The following SCAF11 variants were observed in gnomAD, a reference collection of about 807,000 sequenced individuals.
SCAF11 encodes SR-related CTD associated factor 11.
Under a neutral mutation model 140.5 loss-of-function variants are expected in SCAF11, and 47 were observed. That is an observed-to-expected ratio of 0.33 (90% CI 0.26 to 0.43). SCAF11 has a LOEUF of 0.43. SCAF11 is among the 20% of genes least tolerant of loss of function. SCAF11 has a pLI of 1.00. For missense variants in SCAF11, 1,645 were observed against 1,705.1 expected, an observed-to-expected ratio of 0.96 and a Z score of 0.62; for synonymous variants, 557 against 579.4, an observed-to-expected ratio of 0.96 and a Z score of 0.55.
chr12:45,991,861 C>T, upstream of SCAF11: 2 of 1,281,596 alleles, frequency 1.6e-6, no homozygotes, highest in Non-Finnish European at 2.0e-6. Flanking sequence ...CAGGACTAAG[C>T]TCTGCTCCCC....
At chr12:45,931,303 T>C (rs1945040027) in intron 10 of SCAF11, 4 of 320,166 alleles carry the variant, frequency 1.2e-5, no homozygotes, top group African/African-American at 4.3e-5. Context: ...GGAGAGACTA[T>C]GTATCTATCT....
At chr12:45,945,779 C>T (rs774109483) in intron 5 of SCAF11, among the ~76,000 whole-genome samples, 5 of 151,996 alleles carry the variant, frequency 3.3e-5, no homozygotes, top group Admixed American at 6.6e-5. Flanking sequence ...GTGATCCTCC[C>T]GCCTTGGCCT....
chr12:45,988,025 T>C (rs1162305743), intron 1 of SCAF11, among the ~76,000 whole-genome samples: 1 of 152,218 alleles, frequency 6.6e-6, no homozygotes, highest in Admixed American at 6.5e-5. Flanking sequence ...AGAATGATAC[T>C]GGATATTTTA....
In SCAF11 at chr12:45,927,653, T is replaced by G; in HGVS notation, c.2048A>C (p.Glu683Ala). 1 of 1,612,134 alleles carries G rather than the reference T, an allele frequency of 6.2e-7. No individual in the cohort carries two copies. Among genetic ancestry groups the G allele is most frequent in the Non-Finnish European group, 8.5e-7 (1 of 1,179,986 alleles). ...ATGTTCGGTCAGCGATTCATTCTTT[T>G]CTTCTAAAGATTTTTCCAATTTGGT... The part of the protein sequence containing the change: ...LNTKLEKSLE[E>A]KNESLTEHPR... Residue 683 changes from glutamate to alanine, a missense_variant, in exon 11 of 15, where the codon GAA (glutamate) becomes GCA (alanine). Glu to Ala is a moderately radical substitution (Grantham distance 107, BLOSUM62 -1). Transcript: ENST00000369367.
intron 1 of SCAF11, among the ~76,000 whole-genome samples, chr12:45,982,939 C>T (rs924569079): frequency 2.0e-5 from 3 of 152,010 alleles, no homozygotes; most frequent in Non-Finnish European, 4.4e-5. Flanking sequence ...ACATAGGATA[C>T]AGAAGATGAA....
At chr12:45,961,971 T>C in intron 2 of SCAF11, 114 bp from the exon 3 acceptor site, 3 of 620,156 alleles carry the variant, frequency 4.8e-6, no homozygotes, top group Non-Finnish European at 7.5e-6. Flanking sequence ...ATAAAGCAAA[T>C]AGATCTTAGA....
In SCAF11 at chr12:45,919,832, A is replaced by T. The variant is rs1468944861; in HGVS notation, c.*2216T>A. On this transcript the variant is annotated 3_prime_UTR_variant, in exon 15 of 15. Coordinates refer to ENST00000369367, the MANE Select transcript of SCAF11 (RefSeq NM_004719.3). ...CTTGACCACATCACTTTTTCTCCAA[A>T]ACTTTAGAACTTGTTTGCAAAAGCT... 6.6e-6 allele frequency: 1 copy of T among 152,222 alleles called. No individual in the cohort carries two copies. The highest frequency in any genetic ancestry group is 1.9e-4 in the East Asian group (1 of 5,196). 9.4% of individuals were successfully genotyped at this position (152,222 alleles called of 1,614,324 possible). A position where few individuals can be genotyped will look rare whatever the true frequency, so the allele number is the denominator to read the frequency against.
intron 1 of SCAF11, among the ~76,000 whole-genome samples, chr12:45,984,222 T>C (rs1401089046): frequency 6.6e-6 from 1 of 152,256 alleles, no homozygotes; most frequent in Admixed American, 6.5e-5. Flanking sequence ...TTGACTTTCA[T>C]GACCTTGTTT....
intron 7 of SCAF11, 62 bp downstream of exon 7, chr12:45,934,385 T>A: frequency 7.2e-7 from 1 of 1,387,628 alleles, no homozygotes; most frequent in Non-Finnish European, 1.0e-6. Flanking sequence ...TGGTTATTTA[T>A]GGACTAAATA....
chr12:45,961,528 T>C (rs1565682259), intron 3 of SCAF11, 172 bp downstream of exon 3: 1 of 611,886 alleles, frequency 1.6e-6, no homozygotes. Context: ...CAAAGCCTGA[T>C]AAAAGAAAAT....
In SCAF11 at chr12:45,928,461, C is replaced by A; in HGVS notation, c.1240G>T (p.Asp414Tyr). ...DSVDEETAES[D>Y]TSPVLEKEHQ... ...TCTTTTTCTAACACAGGTGATGTGTCAGATTCTGCTGTTTCTTCATCTACT... is the reference window on the plus strand; with the variant it reads ...TCTTTTTCTAACACAGGTGATGTGTAAGATTCTGCTGTTTCTTCATCTACT... Residue 414 changes from aspartate (D) to tyrosine (Y), a missense_variant, in exon 11 of 15, where the codon GAC (aspartate) becomes TAC (tyrosine). This residue lies in a region of SCAF11 where 1,582 missense variants were observed against 1,609.2 expected (regional missense o/e 0.98). Coordinates refer to ENST00000369367, the MANE Select transcript of SCAF11 (RefSeq NM_004719.3). The A allele has an allele frequency of 6.2e-7, 1 of 1,612,904 alleles. No homozygotes were observed. Among genetic ancestry groups the A allele is most frequent in the Non-Finnish European group, 8.5e-7 (1 of 1,179,202 alleles).
chr12:45,945,068 G>C (rs1266708738), intron 6 of SCAF11, 181 bp downstream of exon 6: 3 of 558,550 alleles, frequency 5.4e-6, no homozygotes, highest in African/African-American at 2.0e-5. Flanking sequence ...AAGGAAAAAA[G>C]GGGCAGAAAA....
At chr12:45,991,861 C>A, upstream of SCAF11, 1 of 1,281,596 alleles carries the variant, frequency 7.8e-7, no homozygotes. Flanking sequence ...CAGGACTAAG[C>A]TCTGCTCCCC....
In SCAF11 at chr12:45,926,333, T is replaced by C. The variant is rs1944857603; in HGVS notation, c.3368A>G (p.Tyr1123Cys). ...GAACTCCTGTTCACTTTTTCGCTTA[T>C]AGGATTGCTGTTCCACAAACTTGAA... ...ESFKFVEQQS[Y>C]KRKSEQEFSF... Residue 1123 changes from tyrosine (Y) to cysteine (C), a missense_variant, in exon 11 of 15, where the codon TAT (tyrosine) becomes TGT (cysteine). Around this residue, in one of 2 missense-constraint regions of SCAF11, gnomAD observed 1,582 missense variants for 1,609.2 expected, o/e 0.98. Coordinates refer to ENST00000369367, the MANE Select transcript of SCAF11 (RefSeq NM_004719.3). 3.1e-6 allele frequency: 5 copies of C among 1,614,206 alleles called. No homozygotes were observed. Among genetic ancestry groups the C allele is most frequent in the Admixed American group, 1.7e-5 (1 of 60,022 alleles).
chr12:45,984,695 C>CTTTT (rs539795330), intron 1 of SCAF11, among the ~76,000 whole-genome samples: 2 of 136,600 alleles, frequency 1.5e-5, no homozygotes, highest in African/African-American at 2.8e-5. Context: ...TTCGCACTTC[C>CTTTT]TTTTTTTTTT....
At chr12:45,941,188 G>A (rs1057089785) in intron 6 of SCAF11, among the ~76,000 whole-genome samples, 56 of 152,210 alleles carry the variant, frequency 3.7e-4, no homozygotes, top group African/African-American at 1.2e-3. Context: ...GATCTTATTT[G>A]TACATGAAAT....
In SCAF11 at chr12:45,990,378, T is replaced by C; in HGVS notation, c.-47A>G. 8.1e-7 allele frequency: 1 copy of C among 1,232,224 alleles called. No individual in the cohort carries two copies. The highest frequency in any genetic ancestry group is 3.1e-4 in the Middle Eastern group (1 of 3,214). 76.3% of individuals were successfully genotyped at this position (1,232,224 alleles called of 1,614,324 possible). ...CTCAGACCGAGGTCGAGGCGCTCGG[T>C]CCGGCCGCGGCCCCACAGTAGGTTC... is the stretch of plus-strand genomic sequence containing the variant. On this transcript the variant is annotated 5_prime_UTR_variant, in exon 1 of 15. Coordinates refer to ENST00000369367, the MANE Select transcript of SCAF11 (RefSeq NM_004719.3).
chr12:45,974,038 A>G (rs1209365493), intron 1 of SCAF11, among the ~76,000 whole-genome samples: 1 of 152,238 alleles, frequency 6.6e-6, no homozygotes, highest in Non-Finnish European at 1.5e-5. Flanking sequence ...TCATGGGTCT[A>G]GGTCCAGACC....
At position 45,926,606 on chromosome 12, in the gene SCAF11, G is replaced by A; in HGVS notation, c.3095C>T (p.Pro1032Leu). 2 of 1,613,960 alleles carry A rather than the reference G, an allele frequency of 1.2e-6. No individual in the cohort carries two copies. Among genetic ancestry groups the A allele is most frequent in the Non-Finnish European group, 1.7e-6 (2 of 1,179,992 alleles). Residue 1032 changes from proline (P) to leucine (L), a missense_variant, in exon 11 of 15, where the codon CCT becomes CTT. Physicochemically the swap from Pro to Leu is moderately conservative, Grantham distance 98. Around this residue, in one of 2 missense-constraint regions of SCAF11, gnomAD observed 1,582 missense variants for 1,609.2 expected, o/e 0.98. Transcript: ENST00000369367. ...TTCTGGATTTCTGGTTCTTGGATCA[G>A]GCCCAGAGTTTATTTTTTCTGTTAT... Reference protein sequence around the residue: ...NWITEKINSGPDPRTRNPEKL... With the variant: ...NWITEKINSGLDPRTRNPEKL...
Sources: allele counts gnomAD v4.1 joint callset (sites outside exome capture counted in the v4.1 genomes callset), GRCh38; gene constraint gnomAD v4.1.1; regional missense constraint gnomAD v4.1.1; transcripts MANE v1.5; gene names NCBI Gene and HGNC (gene_info 2026-07-23, HGNC 2026-07-21).